Variants in MAGT1 observed in about 807,000 individuals in gnomAD.
MAGT1 encodes the protein dolichyl-diphosphooligosaccharide--protein glycosyltransferase subunit MAGT1.
MAGT1 carries 4 observed loss-of-function variants against 28.4 expected under a neutral mutation model. That is an observed-to-expected ratio of 0.14 (90% CI 0.07 to 0.32). The LOEUF is 0.32. Among genes scored for constraint, MAGT1 ranks in the 10% least tolerant of loss-of-function variants. MAGT1 has a pLI of 1.00. For missense variants in MAGT1, 193 were observed against 264.5 expected, an observed-to-expected ratio of 0.73 and a Z score of 1.88; for synonymous variants, 89 against 89.7, an observed-to-expected ratio of 0.99 and a Z score of 0.04.
intron 3 of MAGT1, among the ~76,000 whole-genome samples, chrX:77,869,974 C>T (rs1254080334): frequency 8.9e-6 from 1 of 111,987 alleles, no homozygotes; most frequent in African/African-American, 3.2e-5. Flanking sequence ...GCACAATTCA[C>T]AATTGCAAAG....
Position 77,827,318 on chromosome X carries a change from A to C in MAGT1, c.*1902T>G, listed in dbSNP as rs898569205. 8.9e-6 allele frequency: 1 copy of C among 112,221 alleles called. No homozygotes were observed. Among genetic ancestry groups the C allele is most frequent in the Non-Finnish European group, 1.9e-5 (1 of 53,259 alleles). 9.2% of individuals were successfully genotyped at this position (112,221 alleles called of 1,213,427 possible). On this transcript the variant is annotated 3_prime_UTR_variant, in exon 10 of 10. Coordinates refer to ENST00000618282, the MANE Select transcript of MAGT1 (RefSeq NM_001367916.1). ...TTGTTTCTCCACCTAAAGGAAGAGA[A>C]TAAAGACTAAAATAACAGCAAAACA...
chrX:77,876,690 T>C (rs1326781072), intron 1 of MAGT1, among the ~76,000 whole-genome samples: 1 of 111,655 alleles, frequency 9.0e-6, no homozygotes, highest in Non-Finnish European at 1.9e-5. Flanking sequence ...TGGTCATCCA[T>C]AGCCAAAAAT....
intron 3 of MAGT1, among the ~76,000 whole-genome samples, chrX:77,860,204 C>A (rs942812165): frequency 8.1e-5 from 9 of 111,425 alleles, no homozygotes; most frequent in African/African-American, 2.9e-4. Context: ...CTGTCTTACC[C>A]TCTCAAGTAG....
intron 2 of MAGT1, among the ~76,000 whole-genome samples, chrX:77,872,425 C>CT (rs2077022805): frequency 8.9e-6 from 1 of 112,063 alleles, no homozygotes; most frequent in Non-Finnish European, 1.9e-5. Context: ...ATCACTGTTG[C>CT]TTTCTTATTA....
At chrX:77,830,965 TTC>T (rs1486464337) in intron 8 of MAGT1, 70 bp from the exon 9 acceptor site, 1 of 344,967 alleles carries the variant, frequency 2.9e-6, no homozygotes, top group Non-Finnish European at 4.8e-6. Context: ...AGTCTATACT[TTC>T]TTTTTTTATT....
At chrX:77,892,852 T>C (rs1202155396) in intron 1 of MAGT1, among the ~76,000 whole-genome samples, 1 of 111,856 alleles carries the variant, frequency 8.9e-6, no homozygotes, top group Non-Finnish European at 1.9e-5. Context: ...AACAGATTCC[T>C]GATTTTATAT....
At chrX:77,834,165 CATATAT>C (rs201706016) in intron 8 of MAGT1, among the ~76,000 whole-genome samples, 1 of 94,963 alleles carries the variant, frequency 1.1e-5, no homozygotes, top group Non-Finnish European at 2.1e-5. Context: ...GACTGTACAC[CATATAT>C]ATATATATGC....
intron 3 of MAGT1, among the ~76,000 whole-genome samples, chrX:77,859,955 A>G (rs1430715470): frequency 1.8e-5 from 2 of 112,066 alleles, no homozygotes; most frequent in Non-Finnish European, 3.8e-5. Context: ...TAATGTATCC[A>G]TTTCCCTACA....
intron 6 of MAGT1, 76 bp downstream of exon 6, chrX:77,855,425 G>A (rs2076979036): frequency 1.4e-6 from 1 of 724,558 alleles, no homozygotes; most frequent in East Asian, 3.2e-5. Context: ...TTCATATGCT[G>A]GCACTGTTCT....
At chrX:77,831,010 ATTTT>A in intron 8 of MAGT1, 115 bp from the exon 9 acceptor site, 1 of 171,954 alleles carries the variant, frequency 5.8e-6, no homozygotes, top group East Asian at 1.4e-4. Context: ...ATTTTATTTT[ATTTT>A]ATTTTATTTT....
At chrX:77,889,365 T>A (rs1222385544) in intron 1 of MAGT1, among the ~76,000 whole-genome samples, 1 of 102,483 alleles carries the variant, frequency 9.8e-6, no homozygotes, top group Non-Finnish European at 2.0e-5. Context: ...TATGTACATA[T>A]ATATATATAT....
At chrX:77,847,111 C>T (rs1557215035) in intron 7 of MAGT1, among the ~76,000 whole-genome samples, 1 of 112,372 alleles carries the variant, frequency 8.9e-6, no homozygotes, top group Non-Finnish European at 1.9e-5. Flanking sequence ...ACTTTGCTTA[C>T]CTACTCAAGC....
intron 7 of MAGT1, among the ~76,000 whole-genome samples, chrX:77,849,895 CAAA>C (rs1247445316): frequency 2.0e-5 from 1 of 50,836 alleles, no homozygotes. Flanking sequence ...AACAAAAAAC[CAAA>C]AAAAAAAAAA....
intron 1 of MAGT1, among the ~76,000 whole-genome samples, chrX:77,877,718 C>T (rs1185099839): frequency 9.3e-6 from 1 of 107,428 alleles, no homozygotes; most frequent in Non-Finnish European, 1.9e-5. Flanking sequence ...GAGGCTGAGG[C>T]AGGAGAATCG....
Position 77,829,301 on chromosome X carries a change from T to TA in MAGT1, c.993-67dup. The TA allele has an allele frequency of 9.5e-6, 9 of 948,087 alleles. No homozygotes were observed. The South Asian group carries it at 1.8e-4, about 19-fold the overall frequency. The allele number at this position is 948,087 out of a possible 1,213,427, so 78.1% of individuals were successfully genotyped here. A position where few individuals can be genotyped will look rare whatever the true frequency, so the allele number is the denominator to read the frequency against. Reference sequence around the variant, plus strand: ...AAAAGTAGGATTTACTTTTAATCAATAAGCAGTATGTTGGTTTTAACAGAT... The same window carrying TA: ...AAAAGTAGGATTTACTTTTAATCAATAAAGCAGTATGTTGGTTTTAACAGAT... On this transcript the variant is annotated intron_variant, in intron 9 of 9. Coordinates refer to ENST00000618282, the MANE Select transcript of MAGT1 (RefSeq NM_001367916.1).
intron 3 of MAGT1, among the ~76,000 whole-genome samples, chrX:77,862,002 C>T (rs1478124981): frequency 9.0e-6 from 1 of 111,224 alleles, no homozygotes; most frequent in African/African-American, 3.3e-5. Context: ...TCTAGCACTA[C>T]TGACCTGTAC....
At chrX:77,837,446 A>C (rs1220943407) in intron 8 of MAGT1, 1 of 110,874 alleles carries the variant, frequency 9.0e-6, no homozygotes, top group Non-Finnish European at 1.9e-5. Flanking sequence ...AACACGTAAA[A>C]ATTCATTTTT....
intron 8 of MAGT1, among the ~76,000 whole-genome samples, chrX:77,832,521 T>C (rs1306412925): frequency 3.6e-5 from 4 of 111,525 alleles, no homozygotes; most frequent in African/African-American, 1.3e-4. Flanking sequence ...GGTAACATAC[T>C]TAGTGACTGA....
chrX:77,855,105 G>A (rs1447417689), intron 6 of MAGT1, among the ~76,000 whole-genome samples: 1 of 111,108 alleles, frequency 9.0e-6, no homozygotes, highest in African/African-American at 3.3e-5. Flanking sequence ...CCTGAGGTAG[G>A]GAGTTTGAGA....
Sources: gnomAD v4.1 joint callset for allele counts (sites outside exome capture counted in the v4.1 genomes callset) on GRCh38, gnomAD v4.1.1 for gene constraint, MANE v1.5 for transcripts, NCBI Gene and HGNC (gene_info 2026-07-23, HGNC 2026-07-21) for gene names.